Variants in CAPN2 observed in about 807,000 individuals in gnomAD.
CAPN2 encodes calpain-2 catalytic subunit.
A neutral mutation model predicts 102.3 loss-of-function variants in CAPN2; 92 were observed. That is an observed-to-expected ratio of 0.90 (90% CI 0.76 to 1.07). CAPN2 has a LOEUF of 1.07. Among genes scored for constraint, CAPN2 ranks in the 50% least tolerant of loss-of-function variants. The probability of loss-of-function intolerance (pLI) is 0.00; values close to 1 mark genes in which losing one functional copy is unlikely to be tolerated. For synonymous variants in CAPN2, 340 were observed against 355.4 expected (o/e 0.96, Z 0.49); for missense variants, 800 against 909.4 (o/e 0.88, Z 1.55).
At position 223,726,503 on chromosome 1, in the gene CAPN2, G is replaced by A. The variant is rs370304391; in HGVS notation, c.307+8672G>A. On this transcript the variant is annotated intron_variant, in intron 2 of 20. Coordinates refer to ENST00000295006, the MANE Select transcript of CAPN2 (RefSeq NM_001748.5). The surrounding 1 kb of genome is among the most constrained non-coding windows in gnomAD (Gnocchi z 4.4). Reference sequence around the variant, plus strand: ...GTTATGTCCTTCTGGTCCAGGGCACGGCTGAGACAGGCAAGGGACTAGAGA... The same window carrying A: ...GTTATGTCCTTCTGGTCCAGGGCACAGCTGAGACAGGCAAGGGACTAGAGA... 1.0e-3 allele frequency among the ~76,000 whole-genome samples: 156 copies of A among 152,294 alleles called. 1 individual carries two copies. Among genetic ancestry groups the A allele is most frequent in the African/African-American group, 3.3e-3 (136 of 41,558 alleles).
At chr1:223,749,720 T>C (rs574495156) in intron 6 of CAPN2, among the ~76,000 whole-genome samples, 2 of 152,318 alleles carry the variant, frequency 1.3e-5, no homozygotes, top group South Asian at 4.2e-4. Flanking sequence ...ACTGTTGTTA[T>C]TGAAAATATT....
intron 2 of CAPN2, among the ~76,000 whole-genome samples, chr1:223,730,844 G>A (rs977186938): frequency 5.3e-5 from 8 of 152,218 alleles, no homozygotes; most frequent in Non-Finnish European, 1.2e-4. Context: ...ACAGTAGGCT[G>A]AGGTGTATTA....
rs958015285 is a variant in CAPN2, at chr1:223,726,274, G to A, written c.307+8443G>A. On this transcript the variant is annotated intron_variant, in intron 2 of 20. Coordinates refer to ENST00000295006, the MANE Select transcript of CAPN2 (RefSeq NM_001748.5). The surrounding 1 kb of genome is among the most constrained non-coding windows in gnomAD (Gnocchi z 4.4). ...ACCTCCTCCTCCCTTCTTCTGTGGG[G>A]TCTGTGATGAGAGCAGGGATGGGGA... Among the ~76,000 whole-genome samples the A allele has an allele frequency of 2.0e-5, 3 of 152,186 alleles. No individual in the cohort carries two copies. Among genetic ancestry groups the A allele is most frequent in the African/African-American group, 7.2e-5 (3 of 41,438 alleles).
intron 2 of CAPN2, among the ~76,000 whole-genome samples, chr1:223,730,689 C>T (rs895801680): frequency 1.3e-5 from 2 of 152,078 alleles, no homozygotes; most frequent in African/African-American, 4.8e-5. Flanking sequence ...GCCTGAATTC[C>T]TAAAGGAGGA....
In CAPN2 at chr1:223,755,023, T is replaced by A. The variant is rs1296512130; in HGVS notation, c.1136-457T>A. ...GAGAACTGCAAGAGAAAGTTTCTAA[T>A]TTAGGTTCCTGTTAGATTCAGACAA... On this transcript the variant is annotated intron_variant, in intron 9 of 20. Transcript: ENST00000295006. The surrounding 1 kb of genome is among the most constrained non-coding windows in gnomAD (Gnocchi z 4.1). Among the ~76,000 whole-genome samples the A allele has an allele frequency of 6.6e-6, 1 of 152,118 alleles. No individual in the cohort carries two copies. The highest frequency in any genetic ancestry group is 2.4e-5 in the African/African-American group (1 of 41,402).
chr1:223,757,532 C>T (rs947258392), intron 11 of CAPN2, 152 bp downstream of exon 11: 2 of 809,170 alleles, frequency 2.5e-6, no homozygotes, highest in Non-Finnish European at 4.2e-6. Flanking sequence ...CTGAAGTTGC[C>T]CAGGCTCTAG....
At chr1:223,764,703 C>G (rs1170341356) in intron 15 of CAPN2, among the ~76,000 whole-genome samples, 1 of 152,220 alleles carries the variant, frequency 6.6e-6, no homozygotes, top group Non-Finnish European at 1.5e-5. Context: ...ATCCACCTGC[C>G]TTGGCCTCCC....
intron 12 of CAPN2, among the ~76,000 whole-genome samples, 166 bp from the exon 13 acceptor site, chr1:223,761,415 T>C (rs1485103903): frequency 6.6e-6 from 1 of 151,878 alleles, no homozygotes; most frequent in Non-Finnish European, 1.5e-5. Flanking sequence ...TTAGGGGAGG[T>C]GTTATCACAG....
chr1:223,766,572 G>A, intron 16 of CAPN2, 141 bp downstream of exon 16: 2 of 674,782 alleles, frequency 3.0e-6, no homozygotes, highest in Non-Finnish European at 5.3e-6. Context: ...ACAGTCAGCA[G>A]CGCTGACCTC....
Position 223,756,217 on chromosome 1 carries a change from T to C in CAPN2, c.1305+568T>C, listed in dbSNP as rs1661033424. Among the ~76,000 whole-genome samples the C allele has an allele frequency of 1.3e-5, 2 of 152,262 alleles. No homozygotes were observed. The highest frequency in any genetic ancestry group is 4.1e-4 in the South Asian group (2 of 4,826). On this transcript the variant is annotated intron_variant, in intron 10 of 20. Transcript: ENST00000295006. The surrounding 1 kb of genome is among the most constrained non-coding windows in gnomAD (Gnocchi z 4.1). ...CAGCCAGAGGGCAGCCGCATTGCAG[T>C]CTCCTCTCCGCCCTCAGGCTGGGGC... is the stretch of plus-strand genomic sequence containing the variant.
chr1:223,757,572 T>G (rs1173773454), intron 11 of CAPN2, 192 bp downstream of exon 11: 2 of 610,154 alleles, frequency 3.3e-6, no homozygotes, highest in Non-Finnish European at 5.8e-6. Context: ...TGGGCAAGGT[T>G]TCTGGAAAGT....
chr1:223,712,493 G>T (rs1201454055), upstream of CAPN2: 6 of 1,191,120 alleles, frequency 5.0e-6, no homozygotes, highest in Non-Finnish European at 6.2e-6. Context: ...CCGCGGGCCG[G>T]GCCGCTTCCC....
At chr1:223,747,220 G>T in intron 5 of CAPN2, 55 bp downstream of exon 5, 1 of 1,520,074 alleles carries the variant, frequency 6.6e-7, no homozygotes, top group Non-Finnish European at 8.9e-7. Context: ...CTGAAGGGAG[G>T]CTCCCACAGT....
intron 16 of CAPN2, among the ~76,000 whole-genome samples, 197 bp from the exon 17 acceptor site, chr1:223,769,644 G>A (rs1204628171): frequency 6.6e-6 from 1 of 152,220 alleles, no homozygotes; most frequent in Non-Finnish European, 1.5e-5. Flanking sequence ...TCGGCAGGGA[G>A]CCAGCAGGTC....
intron 1 of CAPN2, among the ~76,000 whole-genome samples, chr1:223,704,300 C>A (rs77839589): frequency 0.013 from 2,007 of 152,144 alleles, 22 homozygotes; most frequent in Middle Eastern, 0.054. Context: ...CAAAACAACA[C>A]CAAAAAACAT....
chr1:223,755,356 A>C lies in CAPN2; in HGVS notation c.1136-124A>C, dbSNP rs1571810350. On this transcript the variant is annotated intron_variant, in intron 9 of 20. Transcript: ENST00000295006. The surrounding 1 kb of genome is among the most constrained non-coding windows in gnomAD (Gnocchi z 4.1). ...CCACCACCTCTTACCATCTCCCACC[A>C]CCTCCCACCATCTCCCTTTATCTCC... The C allele has an allele frequency of 1.1e-6, 1 of 875,462 alleles. No homozygotes were observed. The highest frequency in any genetic ancestry group is 1.7e-5 in the South Asian group (1 of 59,736). The allele number at this position is 875,462 out of a possible 1,614,324, so 54.2% of individuals were successfully genotyped here.
chr1:223,721,696 G>A (rs568774472), intron 2 of CAPN2, among the ~76,000 whole-genome samples: 1 of 152,348 alleles, frequency 6.6e-6, no homozygotes, highest in Admixed American at 6.5e-5. Flanking sequence ...TCAGCAGAGA[G>A]TGGGGAAGGG....
intron 2 of CAPN2, among the ~76,000 whole-genome samples, chr1:223,722,516 C>T (rs1367552749): frequency 6.6e-6 from 1 of 151,858 alleles, no homozygotes; most frequent in East Asian, 1.9e-4. Context: ...GTCTCAAGTT[C>T]CTGGGCTCAA....
intron 14 of CAPN2, among the ~76,000 whole-genome samples, chr1:223,763,037 G>A (rs1438361861): frequency 6.6e-6 from 1 of 151,718 alleles, no homozygotes; most frequent in African/African-American, 2.4e-5. Context: ...TGTCCAGGCT[G>A]GTCTTAAACC....
Sources: allele counts gnomAD v4.1 joint callset (sites outside exome capture counted in the v4.1 genomes callset), GRCh38; gene constraint gnomAD v4.1.1; non-coding constraint Gnocchi (gnomAD v3.1); transcripts MANE v1.5; gene names NCBI Gene and HGNC (gene_info 2026-07-23, HGNC 2026-07-21).